Variants in MYO1F observed in about 807,000 individuals in gnomAD.
MYO1F encodes myosin IF, also known as unconventional myosin-If.
Under a neutral mutation model 146.6 loss-of-function variants are expected in MYO1F, and 60 were observed. The observed-to-expected ratio is 0.41, with a 90% CI of 0.33 to 0.51. The LOEUF (loss-of-function observed/expected upper bound fraction) is 0.51. Among genes scored for constraint, MYO1F ranks in the 20% least tolerant of loss-of-function variants. The probability of loss-of-function intolerance (pLI) is 0.25; values close to 1 mark genes in which losing one functional copy is unlikely to be tolerated. For synonymous variants in MYO1F, 602 were observed against 602.1 expected (o/e 1.00, Z 0.00); for missense variants, 1,274 against 1,534.3 (o/e 0.83, Z 2.83).
intron 1 of MYO1F, among the ~76,000 whole-genome samples, chr19:8,561,482 CTT>C (rs1974123098): frequency 2.1e-5 from 3 of 141,736 alleles, no homozygotes; most frequent in African/African-American, 5.3e-5. Context: ...TTCTTTTTCT[CTT>C]TCTTTCGTTC....
chr19:8,543,696 G>GTGC lies in MYO1F; in HGVS notation c.1524+600_1524+601insGCA, dbSNP rs1568348442. Among the ~76,000 whole-genome samples, 15 of 21,030 alleles carry GTGC rather than the reference G, an allele frequency of 7.1e-4. 1 individual carries two copies. Among genetic ancestry groups the GTGC allele is most frequent in the Non-Finnish European group, 6.5e-4 (6 of 9,232 alleles). 13.8% of individuals were successfully genotyped at this position (21,030 alleles called of 152,430 possible). A position where few individuals can be genotyped will look rare whatever the true frequency, so the allele number is the denominator to read the frequency against. ...GGTGCTGGTGGTGGTGGTGGTGGTGGTGGTGGTGGTGCTGGTGGTGGTGGT... is the reference window on the plus strand; with the variant it reads ...GGTGCTGGTGGTGGTGGTGGTGGTGGTGCTGGTGGTGGTGCTGGTGGTGGTGGT... On this transcript the variant is annotated intron_variant, in intron 14 of 27. Coordinates refer to ENST00000644032, the MANE Select transcript of MYO1F (RefSeq NM_012335.4).
At chr19:8,574,599 T>TCTCTCTCTC (rs1568381307) in intron 1 of MYO1F, among the ~76,000 whole-genome samples, 1 of 47,294 alleles carries the variant, frequency 2.1e-5, no homozygotes, top group African/African-American at 8.6e-5. Context: ...CTCTCTCTCT[T>TCTCTCTCTC]TCTTTCTTTC....
At position 8,530,486 on chromosome 19, in the gene MYO1F, G is replaced by T. The variant is rs746912834; in HGVS notation, c.2131C>A (p.Arg711=). The T allele has an allele frequency of 6.2e-7, 1 of 1,613,662 alleles. No individual in the cohort carries two copies. Among genetic ancestry groups the T allele is most frequent in the South Asian group, 1.1e-5 (1 of 91,084 alleles). Residue 711 remains arginine, a synonymous_variant, in exon 20 of 28, where the codon CGG becomes AGG. Coordinates refer to ENST00000644032, the MANE Select transcript of MYO1F (RefSeq NM_012335.4). The surrounding 1 kb of genome is among the most constrained non-coding windows in gnomAD (Gnocchi z 5.8). ...QKAWRRHVAV[R]KYEEMREEAS... is the part of the protein sequence containing the mutation. Reference sequence around the variant, plus strand: ...TCCTCCCGCATCTCCTCGTACTTCCGGACAGCCACGTGGCGCCGCCAGGCC... The same window carrying T: ...TCCTCCCGCATCTCCTCGTACTTCCTGACAGCCACGTGGCGCCGCCAGGCC...
chr19:8,523,306 T>G (rs1460807101), intron 25 of MYO1F, among the ~76,000 whole-genome samples: 2 of 152,130 alleles, frequency 1.3e-5, no homozygotes, highest in Non-Finnish European at 2.9e-5. Context: ...GTGCTGGGAT[T>G]ACAGGCATGA....
chr19:8,551,551 C>G (rs1599990331), intron 8 of MYO1F, 189 bp downstream of exon 8: 2 of 712,254 alleles, frequency 2.8e-6, no homozygotes, highest in Non-Finnish European at 4.7e-6. Context: ...GGGGTTTAAC[C>G]ACGTTGGCCA....
intron 1 of MYO1F, among the ~76,000 whole-genome samples, chr19:8,562,225 T>A (rs1974172575): frequency 6.6e-6 from 1 of 151,364 alleles, no homozygotes; most frequent in African/African-American, 2.4e-5. Flanking sequence ...ATGGTCTTGA[T>A]CTCCTGACCT....
intron 1 of MYO1F, among the ~76,000 whole-genome samples, chr19:8,574,530 C>T (rs548827078): frequency 3.0e-4 from 36 of 119,110 alleles, no homozygotes; most frequent in African/African-American, 8.1e-4. Flanking sequence ...TTCTTTTTTC[C>T]CTTTCTTTCT....
At chr19:8,537,752 C>T (rs777717265) in intron 16 of MYO1F, among the ~76,000 whole-genome samples, 6 of 151,886 alleles carry the variant, frequency 4.0e-5, no homozygotes, top group Non-Finnish European at 5.9e-5. Context: ...TTTTTTGAGA[C>T]AGGGTCTCCC....
intron 1 of MYO1F, among the ~76,000 whole-genome samples, chr19:8,565,239 G>C (rs985784575): frequency 6.6e-6 from 1 of 151,864 alleles, no homozygotes; most frequent in Non-Finnish European, 1.5e-5. Flanking sequence ...TTGATGAGAA[G>C]AGACAATAAA....
rs562838368 is a variant in MYO1F, at chr19:8,526,067, G to A, written c.2770+386C>T. Among the ~76,000 whole-genome samples the A allele has an allele frequency of 2.6e-5, 4 of 152,256 alleles. No homozygotes were observed. In the East Asian group the frequency reaches 7.7e-4, roughly 29 times the overall value. ...TCTCTGGCCGGGCGCAGTGGCTCAC[G>A]CCTGTAATCCCAGCACTTTGGGAGG... is the stretch of plus-strand genomic sequence containing the variant. On this transcript the variant is annotated intron_variant, in intron 24 of 27. Transcript: ENST00000644032.
chr19:8,559,856 A>G (rs1267169690), intron 1 of MYO1F, among the ~76,000 whole-genome samples: 3 of 148,990 alleles, frequency 2.0e-5, no homozygotes, highest in Non-Finnish European at 4.5e-5. Context: ...AGGCTGAGGC[A>G]GGAGAATCGC....
At chr19:8,566,229 A>G (rs1600051067) in intron 1 of MYO1F, among the ~76,000 whole-genome samples, 1 of 130,252 alleles carries the variant, frequency 7.7e-6, no homozygotes, top group African/African-American at 3.0e-5. Context: ...GTGCAGTGGC[A>G]TGATCTCGGC....
rs559030527 is a variant in MYO1F, at chr19:8,577,246, C to T, written c.3+61G>A. ...ATTTCTGATGGTCATTTTTAGGACA[C>T]CTCCACCTGGCTGGTGTCCCTCCTC... On this transcript the variant is annotated intron_variant, in intron 1 of 27. Transcript: ENST00000644032. The surrounding 1 kb of genome is among the most constrained non-coding windows in gnomAD (Gnocchi z 4.3). The T allele has an allele frequency of 1.9e-6, 3 of 1,598,816 alleles. No individual in the cohort carries two copies. The African/African-American group carries it at 4.0e-5, about 21-fold the overall frequency.
At chr19:8,566,051 G>C (rs1200201110) in intron 1 of MYO1F, among the ~76,000 whole-genome samples, 1 of 151,924 alleles carries the variant, frequency 6.6e-6, no homozygotes, top group Non-Finnish European at 1.5e-5. Context: ...CGGAGTTACA[G>C]TGAGCTGTGA....
At chr19:8,525,802 A>G (rs1972243407) in intron 24 of MYO1F, among the ~76,000 whole-genome samples, 1 of 151,188 alleles carries the variant, frequency 6.6e-6, no homozygotes, top group Non-Finnish European at 1.5e-5. Context: ...CTTCATCACT[A>G]CCCAGTTCCA....
chr19:8,572,904 C>T (rs1555732318), intron 1 of MYO1F, among the ~76,000 whole-genome samples: 1 of 152,186 alleles, frequency 6.6e-6, no homozygotes, highest in East Asian at 1.9e-4. Context: ...CCATGTCTCC[C>T]AGGCTGGTCT....
At chr19:8,548,159 C>G (rs368388019) in intron 11 of MYO1F, 37 bp from the exon 12 acceptor site, 3 of 1,613,386 alleles carry the variant, frequency 1.9e-6, no homozygotes, top group East Asian at 4.5e-5. Context: ...CCTCAATGTC[C>G]TGGTGCTGGA....
At chr19:8,550,873 T>C (rs1423567075) in intron 8 of MYO1F, among the ~76,000 whole-genome samples, 179 bp from the exon 9 acceptor site, 1 of 152,086 alleles carries the variant, frequency 6.6e-6, no homozygotes, top group East Asian at 1.9e-4. Flanking sequence ...CTCTGGGCTT[T>C]GTTTTTTATT....
At chr19:8,555,494 GCTGC>G in intron 2 of MYO1F, 161 bp downstream of exon 2, 2 of 856,528 alleles carry the variant, frequency 2.3e-6, no homozygotes, top group Non-Finnish European at 3.6e-6. Context: ...GGCAGCCACA[GCTGC>G]CCCCAACCAG....
Sources: allele counts gnomAD v4.1 joint callset (sites outside exome capture counted in the v4.1 genomes callset), GRCh38; gene constraint gnomAD v4.1.1; non-coding constraint Gnocchi (gnomAD v3.1); transcripts MANE v1.5; gene names NCBI Gene and HGNC (gene_info 2026-07-23, HGNC 2026-07-21).